CAMTA1: variants seen among roughly 807,000 people sequenced by gnomAD.
CAMTA1 encodes the protein calmodulin binding transcription activator 1.
CAMTA1 carries 27 observed loss-of-function variants against 170.9 expected under a neutral mutation model. That is an observed-to-expected ratio of 0.16 (90% CI 0.12 to 0.22). The LOEUF (loss-of-function observed/expected upper bound fraction) is 0.22. CAMTA1 is among the 10% of genes least tolerant of loss of function. The pLI is 1.00. For missense variants in CAMTA1, 1,619 were observed against 2,217.2 expected, an observed-to-expected ratio of 0.73 and a Z score of 5.42; for synonymous variants, 833 against 891.5, an observed-to-expected ratio of 0.93 and a Z score of 1.17.
chr1:7,388,908 T>C (rs2088343431), intron 5 of CAMTA1, among the ~76,000 whole-genome samples: 1 of 152,208 alleles, frequency 6.6e-6, no homozygotes, highest in African/African-American at 2.4e-5. Flanking sequence ...TGCACTGCTG[T>C]GTCTGCCTGG....
chr1:6,792,035 C>T (rs1641254777), intron 1 of CAMTA1, among the ~76,000 whole-genome samples: 1 of 151,754 alleles, frequency 6.6e-6, no homozygotes, highest in South Asian at 2.1e-4. Context: ...CTCCCTGCAA[C>T]CTCCGCCTTC....
chr1:7,089,477 C>T (rs527648408), intron 3 of CAMTA1, among the ~76,000 whole-genome samples: 4 of 152,088 alleles, frequency 2.6e-5, no homozygotes, highest in African/African-American at 4.8e-5. Context: ...CACACACACA[C>T]TCTCTCACTC....
chr1:7,646,190 G>A (rs897737589), intron 7 of CAMTA1, among the ~76,000 whole-genome samples: 2 of 151,340 alleles, frequency 1.3e-5, no homozygotes, highest in African/African-American at 2.4e-5. Context: ...GACTGTGAGG[G>A]TGGAGGCCAT....
chr1:7,450,245 T>C (rs1162544038), intron 5 of CAMTA1, among the ~76,000 whole-genome samples: 1 of 152,168 alleles, frequency 6.6e-6, no homozygotes, highest in Non-Finnish European at 1.5e-5. Context: ...AAGGTTGTTG[T>C]AAGGACCAAA....
intron 3 of CAMTA1, among the ~76,000 whole-genome samples, chr1:7,086,203 A>C (rs1388030781): frequency 6.6e-6 from 1 of 151,894 alleles, no homozygotes; most frequent in Non-Finnish European, 1.5e-5. Context: ...CCTGCAGCAA[A>C]TTTCTTCATC....
intron 3 of CAMTA1, among the ~76,000 whole-genome samples, chr1:6,954,360 C>G (rs529525859): frequency 2.0e-5 from 3 of 152,136 alleles, no homozygotes; most frequent in African/African-American, 7.2e-5. Flanking sequence ...TCCTATTGCT[C>G]GAGCTGTTGG....
intron 1 of CAMTA1, among the ~76,000 whole-genome samples, chr1:6,800,544 TTAAA>T (rs1643631193): frequency 6.6e-6 from 1 of 152,054 alleles, no homozygotes; most frequent in African/African-American, 2.4e-5. Flanking sequence ...GAAAATAGAC[TTAAA>T]TAATATATGA....
Position 7,044,398 on chromosome 1 carries a change from C to T in CAMTA1, c.235-46906C>T, listed in dbSNP as rs541588373. On this transcript the variant is annotated intron_variant, in intron 3 of 22. Transcript: ENST00000303635. The surrounding 1 kb of genome is among the most constrained non-coding windows in gnomAD (Gnocchi z 5.0). ...GGACTCACAGCAGTACTGCTGGGGACGCCGAGGACGCAGAGCCGTGCCACT... is the reference window on the plus strand; with the variant it reads ...GGACTCACAGCAGTACTGCTGGGGATGCCGAGGACGCAGAGCCGTGCCACT... Among the ~76,000 whole-genome samples the T allele has an allele frequency of 9.9e-5, 15 of 152,164 alleles. No homozygotes were observed. The highest frequency in any genetic ancestry group is 4.2e-4 in the South Asian group (2 of 4,818).
intron 6 of CAMTA1, among the ~76,000 whole-genome samples, chr1:7,544,640 CAT>C (rs1019359523): frequency 2.0e-5 from 3 of 152,194 alleles, no homozygotes; most frequent in Admixed American, 6.5e-5. Flanking sequence ...GTTGCTATAA[CAT>C]AACACCTGAG....
chr1:7,699,372 G>T (rs2096413912), intron 11 of CAMTA1, among the ~76,000 whole-genome samples: 1 of 152,052 alleles, frequency 6.6e-6, no homozygotes, highest in Non-Finnish European at 1.5e-5. Context: ...TTCTATAAAT[G>T]ATGTAATACA....
intron 5 of CAMTA1, among the ~76,000 whole-genome samples, chr1:7,391,978 G>T (rs2088767315): frequency 6.6e-6 from 1 of 152,184 alleles, no homozygotes; most frequent in African/African-American, 2.4e-5. Flanking sequence ...TTGCATACAG[G>T]TTTTGGTGTC....
At chr1:7,649,923 C>T (rs550090605) in intron 7 of CAMTA1, among the ~76,000 whole-genome samples, 1 of 152,344 alleles carries the variant, frequency 6.6e-6, no homozygotes, top group South Asian at 2.1e-4. Flanking sequence ...ACATTCAAAT[C>T]TCCAGATTTT....
intron 11 of CAMTA1, among the ~76,000 whole-genome samples, chr1:7,712,237 GTTCTCTAATGTTTTAGA>G (rs2096576206): frequency 6.6e-6 from 1 of 152,058 alleles, no homozygotes; most frequent in Admixed American, 6.6e-5. Flanking sequence ...ATACAGTCTA[GTTCTCTAATGTTTTAGA>G]GTAAAGTTGC....
At chr1:7,112,581 C>T (rs1221242430) in intron 4 of CAMTA1, among the ~76,000 whole-genome samples, 2 of 152,240 alleles carry the variant, frequency 1.3e-5, no homozygotes, top group Non-Finnish European at 2.9e-5. Context: ...CTGACAGACA[C>T]CCAGCGGATG....
chr1:7,310,429 T>C (rs934993834), intron 5 of CAMTA1, among the ~76,000 whole-genome samples: 1 of 152,188 alleles, frequency 6.6e-6, no homozygotes, highest in Non-Finnish European at 1.5e-5. Context: ...AACACAGTCA[T>C]AGATACTGCA....
chr1:7,672,380 C>A (rs559359226), intron 10 of CAMTA1, among the ~76,000 whole-genome samples: 1 of 152,100 alleles, frequency 6.6e-6, no homozygotes, highest in South Asian at 2.1e-4. Context: ...TGAGTCCCAC[C>A]ACCCATTTCT....
chr1:7,363,773 G>T (rs2085751945), intron 5 of CAMTA1, among the ~76,000 whole-genome samples: 1 of 152,146 alleles, frequency 6.6e-6, no homozygotes, highest in Non-Finnish European at 1.5e-5. Flanking sequence ...GTGGAGTGTG[G>T]CAGCGCTGTG....
intron 5 of CAMTA1, among the ~76,000 whole-genome samples, chr1:7,467,018 C>G (rs923869713): frequency 1.3e-5 from 2 of 152,078 alleles, no homozygotes; most frequent in African/African-American, 4.8e-5. Flanking sequence ...ACGCAGGCAG[C>G]ACCAGAGAAT....
At position 7,377,323 on chromosome 1, in the gene CAMTA1, A is replaced by G. The variant is rs142894546; in HGVS notation, c.439-90507A>G. The stretch of plus-strand genomic sequence containing the variant: ...GAGCAGCAGTGAAAAGGCCAGGTGT[A>G]GAGGGGACCTCTGGCATGGCTCAAC... On this transcript the variant is annotated intron_variant, in intron 5 of 22. Coordinates refer to ENST00000303635, the MANE Select transcript of CAMTA1 (RefSeq NM_015215.4). Among the ~76,000 whole-genome samples, 453 of 152,360 alleles carry G rather than the reference A, an allele frequency of 3.0e-3. 2 individuals are homozygous for G. Among genetic ancestry groups the G allele is most frequent in the African/African-American group, 9.9e-3 (411 of 41,586 alleles).
Sources: gnomAD v4.1 joint callset for allele counts (sites outside exome capture counted in the v4.1 genomes callset) on GRCh38, gnomAD v4.1.1 for gene constraint, Gnocchi (gnomAD v3.1) non-coding constraint, MANE v1.5 for transcripts, NCBI Gene and HGNC (gene_info 2026-07-23, HGNC 2026-07-21) for gene names.